The following ZPBP variants were observed in gnomAD, a reference collection of about 807,000 sequenced individuals.
ZPBP encodes zona pellucida binding protein.
Under a neutral mutation model 44.8 loss-of-function variants are expected in ZPBP, and 26 were observed. That is an observed-to-expected ratio of 0.58 (90% CI 0.43 to 0.81). The LOEUF (loss-of-function observed/expected upper bound fraction) is 0.81, where lower values mean the gene tolerates loss of function less well. Ranked by LOEUF, ZPBP falls within the 30% of genes least tolerant of loss-of-function variation. The pLI, the probability that ZPBP is intolerant of heterozygous loss-of-function variation, is 0.00. For missense variants in ZPBP, 409 were observed against 434.0 expected, an observed-to-expected ratio of 0.94 and a Z score of 0.51; for synonymous variants, 174 against 153.2, an observed-to-expected ratio of 1.14 and a Z score of -1.00.
At chr7:50,078,287 G>C (rs1562612644) in intron 3 of ZPBP, among the ~76,000 whole-genome samples, 1 of 151,194 alleles carries the variant, frequency 6.6e-6, no homozygotes, top group Non-Finnish European at 1.5e-5. Flanking sequence ...ATGATTAATG[G>C]GTACCAAAAA....
downstream of ZPBP, among the ~76,000 whole-genome samples, chr7:49,933,876 G>A (rs1335428139): frequency 2.7e-5 from 4 of 147,760 alleles, no homozygotes; most frequent in Middle Eastern, 3.4e-3. Flanking sequence ...CACAGGAAGG[G>A]GAACATCACA....
intron 4 of ZPBP, among the ~76,000 whole-genome samples, chr7:50,057,233 T>C (rs900024007): frequency 6.6e-6 from 1 of 150,434 alleles, no homozygotes; most frequent in East Asian, 1.9e-4. Flanking sequence ...ATCCCTTTCC[T>C]TTCAGTTGCA....
chr7:49,860,142 G>T (rs186313571), intron 2 of ZPBP, among the ~76,000 whole-genome samples: 24 of 152,134 alleles, frequency 1.6e-4, no homozygotes, highest in African/African-American at 5.5e-4. Flanking sequence ...CTTTTTAAGT[G>T]TTCAATCCAG....
At chr7:50,074,821 G>T (rs1263520907) in intron 3 of ZPBP, among the ~76,000 whole-genome samples, 2 of 151,670 alleles carry the variant, frequency 1.3e-5, no homozygotes, top group Admixed American at 6.6e-5. Flanking sequence ...AATAATAGTG[G>T]GAGACTTCAA....
intron 6 of ZPBP, among the ~76,000 whole-genome samples, chr7:49,990,335 G>A (rs568090034): frequency 1.3e-5 from 2 of 152,336 alleles, no homozygotes; most frequent in South Asian, 4.1e-4. Context: ...TAATATGGGT[G>A]AAAGCCGCTT....
chr7:49,898,825 A>G (rs774724109), intron 2 of ZPBP, among the ~76,000 whole-genome samples: 1 of 152,114 alleles, frequency 6.6e-6, no homozygotes, highest in Non-Finnish European at 1.5e-5. Context: ...GGCAACCCCT[A>G]TAAAAAGTAA....
intron 2 of ZPBP, among the ~76,000 whole-genome samples, chr7:50,086,817 G>T (rs767795899): frequency 1.1e-4 from 17 of 151,938 alleles, no homozygotes; most frequent in Non-Finnish European, 1.8e-4. Context: ...TTGAAAACAT[G>T]AATCCACGTA....
chr7:49,982,345 A>G (rs1343179409), intron 7 of ZPBP, among the ~76,000 whole-genome samples: 7 of 127,106 alleles, frequency 5.5e-5, no homozygotes, highest in Non-Finnish European at 1.1e-4. Context: ...ATAATACATA[A>G]TATATAATTA....
At chr7:50,088,614 A>T (rs56102729) in intron 2 of ZPBP, among the ~76,000 whole-genome samples, 4,690 of 152,156 alleles carry the variant, frequency 0.031, 89 homozygotes, top group Middle Eastern at 0.061. Context: ...TTGAATAGGC[A>T]TTTCTACAAA....
intron 4 of ZPBP, among the ~76,000 whole-genome samples, chr7:50,037,457 G>T (rs1799875020): frequency 6.6e-6 from 1 of 152,210 alleles, no homozygotes; most frequent in African/African-American, 2.4e-5. Flanking sequence ...CTGTACAGAA[G>T]CATGGCTGGA....
intron 7 of ZPBP, among the ~76,000 whole-genome samples, chr7:49,944,954 G>C (rs183517518): frequency 2.0e-5 from 3 of 151,950 alleles, no homozygotes; most frequent in Non-Finnish European, 4.4e-5. Context: ...CTAATTTGAA[G>C]TTTTTCTGCT....
chr7:49,943,207 T>C, intron 7 of ZPBP: 1 of 314,834 alleles, frequency 3.2e-6, no homozygotes, highest in Non-Finnish European at 6.3e-6. Flanking sequence ...CAAGAATTAA[T>C]CTTTTATGTC....
Position 49,982,544 on chromosome 7 carries a change from C to G in ZPBP, c.961+798G>C, listed in dbSNP as rs1278062538. ...ATTATAAAGATAACTGTAGCCAAGT[C>G]AAAGAAAACAAAGCAAAAGGAAGAC... On this transcript the variant is annotated intron_variant, in intron 7 of 7. Transcript: ENST00000046087. Among the ~76,000 whole-genome samples, 5 of 150,302 alleles carry G rather than the reference C, an allele frequency of 3.3e-5. No homozygotes were observed. In the South Asian group the frequency reaches 1.0e-3, roughly 31 times the overall value.
intron 2 of ZPBP, among the ~76,000 whole-genome samples, chr7:49,875,956 G>A (rs1424178974): frequency 7.2e-5 from 11 of 152,104 alleles, no homozygotes; most frequent in South Asian, 2.1e-4. Context: ...AGAATGAGTC[G>A]AAGAAATTGG....
At chr7:49,962,374 A>C (rs969151635) in intron 7 of ZPBP, among the ~76,000 whole-genome samples, 4 of 151,952 alleles carry the variant, frequency 2.6e-5, no homozygotes, top group African/African-American at 9.7e-5. Flanking sequence ...TCATAAAAAC[A>C]TAATAAAAGA....
At chr7:49,929,119 T>C (rs747352128) in intron 1 of ZPBP, among the ~76,000 whole-genome samples, 9 of 152,166 alleles carry the variant, frequency 5.9e-5, no homozygotes, top group Non-Finnish European at 7.4e-5. Context: ...ACTTAAGAAA[T>C]GAGCATGCCC....
chr7:49,965,049 GAA>G (rs1796005886), intron 7 of ZPBP, among the ~76,000 whole-genome samples: 1 of 152,088 alleles, frequency 6.6e-6, no homozygotes, highest in Non-Finnish European at 1.5e-5. Context: ...AGAAGAAACT[GAA>G]AAGTCTTGCC....
At chr7:49,841,309 C>CT in the ZPBP span, among the ~76,000 whole-genome samples, 595 of 145,786 alleles carry the variant, frequency 4.1e-3, 5 homozygotes, top group African/African-American at 1.0e-2. Context: ...TTACACATTA[C>CT]TTTTTTTTTT....
At chr7:49,861,164 G>C (rs1049336984) in intron 2 of ZPBP, among the ~76,000 whole-genome samples, 15 of 152,080 alleles carry the variant, frequency 9.9e-5, no homozygotes, top group African/African-American at 3.6e-4. Flanking sequence ...ACCAACAGTT[G>C]TTATTTTTCT....
Sources: allele counts gnomAD v4.1 joint callset (sites outside exome capture counted in the v4.1 genomes callset), GRCh38; gene constraint gnomAD v4.1.1; transcripts MANE v1.5; gene names NCBI Gene and HGNC (gene_info 2026-07-23, HGNC 2026-07-21).